SLC16A6: variants seen among roughly 807,000 people sequenced by gnomAD.
SLC16A6 encodes monocarboxylate transporter 7.
SLC16A6 carries 15 observed loss-of-function variants against 33.8 expected under a neutral mutation model. The ratio of observed to expected loss-of-function variants is 0.44; its 90% CI spans 0.30 to 0.68. The LOEUF is 0.68. Among genes scored for constraint, SLC16A6 ranks in the 30% least tolerant of loss-of-function variants. The pLI is 0.10. For synonymous variants in SLC16A6, 219 were observed against 248.4 expected (o/e 0.88, Z 1.11); for missense variants, 451 against 661.5 (o/e 0.68, Z 3.49).
Position 68,268,301 on chromosome 17 carries a change from C to T in SLC16A6, c.*795G>A, listed in dbSNP as rs1416643568. ...TTAAAGACACTACAGTCACATATTT[C>T]TGTATAACTAAAAGCAACAGGAAAC... On this transcript the variant is annotated 3_prime_UTR_variant, in exon 6 of 6. Transcript: ENST00000580666. 3 of 152,432 alleles carry T rather than the reference C, an allele frequency of 2.0e-5. No homozygotes were observed. The highest frequency in any genetic ancestry group is 4.4e-5 in the Non-Finnish European group (3 of 68,010). 9.4% of individuals were successfully genotyped at this position (152,432 alleles called of 1,614,324 possible). A position where few individuals can be genotyped will look rare whatever the true frequency, so the allele number is the denominator to read the frequency against.
At chr17:68,287,682 C>G (rs1176374226) in intron 1 of SLC16A6, among the ~76,000 whole-genome samples, 5 of 152,120 alleles carry the variant, frequency 3.3e-5, no homozygotes, top group African/African-American at 1.2e-4. Flanking sequence ...CCCGTCCTAC[C>G]CCCAAGGTTT....
At chr17:68,290,335 A>C (rs1225936180) in intron 1 of SLC16A6, among the ~76,000 whole-genome samples, 1 of 152,256 alleles carries the variant, frequency 6.6e-6, no homozygotes, top group African/African-American at 2.4e-5. Context: ...GGGAATAAAA[A>C]GAAAAGACGA....
At position 68,278,071 on chromosome 17, in the gene SLC16A6, G is replaced by T; in HGVS notation, c.232+18C>A. 1 of 1,570,038 alleles carries T rather than the reference G, an allele frequency of 6.4e-7. No homozygotes were observed. Among genetic ancestry groups the T allele is most frequent in the Non-Finnish European group, 8.8e-7 (1 of 1,140,668 alleles). ...GGCCCTATACTTACGTCATGGTTAGGCCGAAAGATGTACTAACCTGAAAAT... is the reference window on the plus strand; with the variant it reads ...GGCCCTATACTTACGTCATGGTTAGTCCGAAAGATGTACTAACCTGAAAAT... On this transcript the variant is annotated intron_variant, in intron 2 of 5. Coordinates refer to ENST00000580666, the MANE Select transcript of SLC16A6 (RefSeq NM_004694.5).
At chr17:68,287,941 TTC>T (rs1240256594) in intron 1 of SLC16A6, among the ~76,000 whole-genome samples, 4 of 151,230 alleles carry the variant, frequency 2.6e-5, no homozygotes, top group East Asian at 1.9e-4. Flanking sequence ...TCTTCTTCTC[TTC>T]TCTCTCTCTT....
At chr17:68,270,702 A>G in intron 5 of SLC16A6, 137 bp downstream of exon 5, 1 of 734,966 alleles carries the variant, frequency 1.4e-6, no homozygotes, top group Non-Finnish European at 2.2e-6. Context: ...GGCTCAGGTA[A>G]TCTCTAATCC....
At chr17:68,274,320 G>C (rs2075440626) in intron 2 of SLC16A6, 2 of 326,770 alleles carry the variant, frequency 6.1e-6, no homozygotes, top group African/African-American at 2.1e-5. Flanking sequence ...ACAAAAATTA[G>C]CCAGGCATGG....
intron 2 of SLC16A6, among the ~76,000 whole-genome samples, chr17:68,276,494 G>A (rs1467113554): frequency 1.3e-5 from 2 of 152,064 alleles, no homozygotes; most frequent in African/African-American, 4.8e-5. Context: ...TGTTGCCCAG[G>A]CTGGAATGCA....
At chr17:68,281,656 T>C (rs1403417324) in intron 1 of SLC16A6, among the ~76,000 whole-genome samples, 12 of 152,108 alleles carry the variant, frequency 7.9e-5, no homozygotes, top group Non-Finnish European at 1.3e-4. Flanking sequence ...AACAAATATA[T>C]GAAAAAATGC....
At chr17:68,286,855 G>A (rs1254589290) in intron 1 of SLC16A6, among the ~76,000 whole-genome samples, 2 of 152,212 alleles carry the variant, frequency 1.3e-5, no homozygotes, top group Non-Finnish European at 2.9e-5. Context: ...AGCGAAGCCT[G>A]GTGGCCCAAG....
intron 1 of SLC16A6, among the ~76,000 whole-genome samples, chr17:68,284,639 T>C (rs1211679241): frequency 6.6e-6 from 1 of 152,194 alleles, no homozygotes; most frequent in Non-Finnish European, 1.5e-5. Context: ...TAAAATCTAA[T>C]GTTCTGAATT....
chr17:68,272,852 G>C (rs1555749516), intron 3 of SLC16A6, 85 bp from the exon 4 acceptor site: 2 of 1,559,684 alleles, frequency 1.3e-6, no homozygotes, highest in Non-Finnish European at 1.7e-6. Context: ...GGGATTTTTG[G>C]TTTTGCTTTT....
intron 4 of SLC16A6, 117 bp downstream of exon 4, chr17:68,272,522 G>C: frequency 1.7e-6 from 2 of 1,182,398 alleles, no homozygotes; most frequent in South Asian, 1.5e-5. Context: ...CGTAAATAAC[G>C]TCTCATTACA....
intron 1 of SLC16A6, among the ~76,000 whole-genome samples, chr17:68,289,467 C>T (rs536927518): frequency 1.3e-5 from 2 of 152,302 alleles, no homozygotes; most frequent in South Asian, 4.1e-4. Flanking sequence ...AGTTTCAAAA[C>T]GCAGGCTCTG....
chr17:68,275,197 T>C lies in SLC16A6; in HGVS notation c.233-1127A>G, dbSNP rs151232003. Among the ~76,000 whole-genome samples, 293 of 152,366 alleles carry C rather than the reference T, an allele frequency of 1.9e-3. 2 individuals carry two copies. Among genetic ancestry groups the C allele is most frequent in the African/African-American group, 6.7e-3 (278 of 41,588 alleles). On this transcript the variant is annotated intron_variant, in intron 2 of 5. Transcript: ENST00000580666. ...CATCATTTGCTTAGCTTCTATAAGCTGTATCCCCTAGGACATTTAAATCTG... is the reference window on the plus strand; with the variant it reads ...CATCATTTGCTTAGCTTCTATAAGCCGTATCCCCTAGGACATTTAAATCTG...
chr17:68,272,356 T>C (rs375834549), intron 4 of SLC16A6, among the ~76,000 whole-genome samples: 1 of 152,192 alleles, frequency 6.6e-6, no homozygotes, highest in Non-Finnish European at 1.5e-5. Context: ...AGGTGAATAA[T>C]TGCAAATTAC....
chr17:68,271,495 G>A lies in SLC16A6; in HGVS notation c.665C>T (p.Ala222Val), dbSNP rs781980063. 3.9e-5 allele frequency: 63 copies of A among 1,614,024 alleles called. No homozygotes were observed. Among genetic ancestry groups the A allele is most frequent in the Non-Finnish European group, 4.9e-5 (58 of 1,180,036 alleles). ...TTTCTCATTTTCAAGCATATACTGC[G>A]CTTCTTTCCGATTTTCCTGGATGAC... Reference protein sequence around the residue: ...KIVIQENRKEAQYMLENEKTR... With the variant: ...KIVIQENRKEVQYMLENEKTR... Residue 222 changes from alanine (A) to valine (V), a missense_variant, in exon 5 of 6, where the codon GCG (alanine) becomes GTG (valine). Physicochemically the swap from Ala to Val is moderately conservative, Grantham distance 64. Around this residue, in one of 2 missense-constraint regions of SLC16A6, gnomAD observed 405 missense variants for 510.7 expected, o/e 0.79. Transcript: ENST00000580666. This position sits in a 1 kb window ranked among gnomAD's most constrained non-coding sequence, Gnocchi z 5.3.
intron 1 of SLC16A6, among the ~76,000 whole-genome samples, chr17:68,284,785 T>C (rs1277370291): frequency 2.6e-5 from 4 of 152,148 alleles, no homozygotes; most frequent in Admixed American, 2.6e-4. Flanking sequence ...CGGCTAAATA[T>C]TTGGTTGATT....
rs561282381 is a variant in SLC16A6 at position 68,290,663 on chromosome 17, G to T, written c.-8+423C>A. On this transcript the variant is annotated intron_variant, in intron 1 of 5. Coordinates refer to ENST00000580666, the MANE Select transcript of SLC16A6 (RefSeq NM_004694.5). ...GGCCTGCGTGCGCGCGCCAGCCTGGGGTAGGAAGGTACCTCTGACATTTCG... is the reference window on the plus strand; with the variant it reads ...GGCCTGCGTGCGCGCGCCAGCCTGGTGTAGGAAGGTACCTCTGACATTTCG... 2.0e-5 allele frequency among the ~76,000 whole-genome samples: 3 copies of T among 152,334 alleles called. No individual in the cohort carries two copies. The East Asian group carries it at 5.8e-4, about 29-fold the overall frequency.
chr17:68,289,492 G>A (rs924991394), intron 1 of SLC16A6, among the ~76,000 whole-genome samples: 2 of 152,204 alleles, frequency 1.3e-5, no homozygotes, highest in African/African-American at 2.4e-5. Flanking sequence ...GAAATGGGGT[G>A]GCTACTGTTG....
Sources: gnomAD v4.1 joint callset for allele counts (sites outside exome capture counted in the v4.1 genomes callset) on GRCh38, gnomAD v4.1.1 for gene constraint, gnomAD v4.1.1 regional missense constraint, Gnocchi (gnomAD v3.1) non-coding constraint, MANE v1.5 for transcripts, NCBI Gene and HGNC (gene_info 2026-07-23, HGNC 2026-07-21) for gene names.